Variants in FKBP5 observed in about 807,000 individuals in gnomAD.
FKBP5 encodes peptidyl-prolyl cis-trans isomerase FKBP5.
A neutral mutation model predicts 50.5 loss-of-function variants in FKBP5; 23 were observed. The ratio of observed to expected loss-of-function variants is 0.46; its 90% CI spans 0.33 to 0.65. The LOEUF is 0.65. Among genes scored for constraint, FKBP5 ranks in the 30% least tolerant of loss-of-function variants. The pLI is 0.02. For synonymous variants in FKBP5, 176 were observed against 190.6 expected, an observed-to-expected ratio of 0.92 and a Z score of 0.63; for missense variants, 411 against 553.1, an observed-to-expected ratio of 0.74 and a Z score of 2.58.
chr6:35,706,580 A>G (rs1040531016), intron 2 of FKBP5, among the ~76,000 whole-genome samples: 3 of 152,234 alleles, frequency 2.0e-5, no homozygotes, highest in African/African-American at 7.2e-5. Context: ...CAGTATAGGT[A>G]AGAATGTGGG....
At chr6:35,677,072 T>G (rs934357824) in intron 1 of FKBP5, among the ~76,000 whole-genome samples, 1 of 152,102 alleles carries the variant, frequency 6.6e-6, no homozygotes, top group Non-Finnish European at 1.5e-5. Context: ...TTGTTTTGTT[T>G]TGTTGTGTTG....
At chr6:35,619,296 A>G in intron 4 of FKBP5, 86 bp from the exon 5 acceptor site, 1 of 775,984 alleles carries the variant, frequency 1.3e-6, no homozygotes, top group South Asian at 1.6e-5. Flanking sequence ...CAATTATTTC[A>G]TTTTACAAAA....
intron 7 of FKBP5, among the ~76,000 whole-genome samples, chr6:35,589,633 G>A (rs746311543): frequency 3.3e-4 from 51 of 152,316 alleles, no homozygotes; most frequent in Admixed American, 7.2e-4. Flanking sequence ...GAAGGAAGGG[G>A]CAAGAGGCTG....
At chr6:35,722,972 G>A (rs1041151309) in intron 1 of FKBP5, among the ~76,000 whole-genome samples, 11 of 152,208 alleles carry the variant, frequency 7.2e-5, no homozygotes, top group Admixed American at 2.6e-4. Context: ...GATGGCTCAC[G>A]CCTGTAATCC....
At chr6:35,646,338 G>T (rs1764629523) in intron 1 of FKBP5, among the ~76,000 whole-genome samples, 1 of 152,158 alleles carries the variant, frequency 6.6e-6, no homozygotes, top group Non-Finnish European at 1.5e-5. Flanking sequence ...GCTCTTGTCA[G>T]TAGTACTGAG....
chr6:35,710,617 A>G (rs963758775), intron 2 of FKBP5, among the ~76,000 whole-genome samples: 2 of 152,262 alleles, frequency 1.3e-5, no homozygotes, highest in Non-Finnish European at 2.9e-5. Flanking sequence ...AAGCATACAC[A>G]CATTTGCCAT....
intron 1 of FKBP5, among the ~76,000 whole-genome samples, chr6:35,643,092 G>A (rs1162210070): frequency 2.6e-5 from 4 of 152,178 alleles, no homozygotes; most frequent in Non-Finnish European, 4.4e-5. Context: ...TACAAGTCAA[G>A]TTGGGTAGTG....
intron 5 of FKBP5, among the ~76,000 whole-genome samples, chr6:35,602,885 T>G (rs1046638014): frequency 3.3e-5 from 5 of 152,180 alleles, no homozygotes; most frequent in African/African-American, 1.2e-4. Flanking sequence ...ACAGGAAATC[T>G]AAACAAGAAG....
intron 2 of FKBP5, among the ~76,000 whole-genome samples, chr6:35,716,281 G>T (rs568736481): frequency 6.6e-6 from 1 of 152,270 alleles, no homozygotes; most frequent in South Asian, 2.1e-4. Context: ...GCCAAGGTGG[G>T]AGAATCACTT....
intron 1 of FKBP5, among the ~76,000 whole-genome samples, chr6:35,727,724 A>G (rs907067068): frequency 6.6e-6 from 1 of 152,144 alleles, no homozygotes; most frequent in African/African-American, 2.4e-5. Context: ...AGCTCCAGCT[A>G]TCCTCCTCCC....
chr6:35,661,770 CAAAA>C lies in FKBP5; in HGVS notation c.-19-18931_-19-18928del, dbSNP rs767195179. On this transcript the variant is annotated intron_variant, in intron 1 of 10. Coordinates refer to ENST00000357266, the MANE Select transcript of FKBP5 (RefSeq NM_004117.4). Reference sequence around the variant, plus strand: ...GGGTGACAAGAGCAAAACTCCGTCTCAAAAAAAAAAAAAAAAAGAGTATGGCTTC... The same window carrying C: ...GGGTGACAAGAGCAAAACTCCGTCTCAAAAAAAAAAAAAGAGTATGGCTTC... 6.0e-5 allele frequency among the ~76,000 whole-genome samples: 2 copies of C among 33,286 alleles called. 1 individual carries two copies. The highest frequency in any genetic ancestry group is 1.3e-4 in the Non-Finnish European group (2 of 15,112). 21.8% of individuals were successfully genotyped at this position (33,286 alleles called of 152,430 possible). A position where few individuals can be genotyped will look rare whatever the true frequency, so the allele number is the denominator to read the frequency against.
At chr6:35,581,779 G>C in intron 8 of FKBP5, 1 of 985,486 alleles carries the variant, frequency 1.0e-6, no homozygotes, top group South Asian at 4.7e-5. Flanking sequence ...CATCCTGCCA[G>C]ATGGCAGAGG....
chr6:35,592,617 G>C lies in FKBP5; in HGVS notation c.666-1397C>G, dbSNP rs571910955. 1.7e-4 allele frequency among the ~76,000 whole-genome samples: 26 copies of C among 152,284 alleles called. No individual in the cohort carries two copies. In the East Asian group the frequency reaches 5.0e-3, roughly 29 times the overall value. On this transcript the variant is annotated intron_variant, in intron 6 of 10. Transcript: ENST00000357266. The stretch of plus-strand genomic sequence containing the variant: ...AGGTAGGTAGGTGAGTCCTTGCTAA[G>C]CACATATTTTCTGAGAGCATGTTAT...
chr6:35,709,631 A>G (rs1252684872), intron 2 of FKBP5, among the ~76,000 whole-genome samples: 1 of 152,248 alleles, frequency 6.6e-6, no homozygotes, highest in East Asian at 1.9e-4. Flanking sequence ...TGATGAAACT[A>G]TGGTTGTTTT....
intron 9 of FKBP5, among the ~76,000 whole-genome samples, chr6:35,578,698 G>T (rs368696274): frequency 6.6e-6 from 1 of 151,304 alleles, no homozygotes; most frequent in Admixed American, 6.6e-5. Flanking sequence ...AACTCGGGAG[G>T]TGGAGGTTAG....
intron 1 of FKBP5, among the ~76,000 whole-genome samples, chr6:35,643,431 C>T (rs987515462): frequency 1.2e-4 from 19 of 152,178 alleles, no homozygotes; most frequent in Admixed American, 9.2e-4. Flanking sequence ...GTAACTTAAA[C>T]ATATTTAACC....
chr6:35,581,270 A>T, intron 8 of FKBP5: 1 of 437,170 alleles, frequency 2.3e-6, no homozygotes, highest in Non-Finnish European at 3.0e-6. Flanking sequence ...ATATAAACAT[A>T]TATAATATAT....
chr6:35,602,197 T>G (rs995768424), intron 5 of FKBP5, among the ~76,000 whole-genome samples: 1 of 151,928 alleles, frequency 6.6e-6, no homozygotes, highest in Admixed American at 6.6e-5. Flanking sequence ...GTAACAAAAA[T>G]GAAATGCAAG....
chr6:35,687,345 G>C (rs1765856648), intron 1 of FKBP5, among the ~76,000 whole-genome samples: 1 of 152,156 alleles, frequency 6.6e-6, no homozygotes, highest in Non-Finnish European at 1.5e-5. Flanking sequence ...AGCTGGGGGA[G>C]AGACAAACAG....
Sources: allele counts gnomAD v4.1 joint callset (sites outside exome capture counted in the v4.1 genomes callset), GRCh38; gene constraint gnomAD v4.1.1; transcripts MANE v1.5; gene names NCBI Gene and HGNC (gene_info 2026-07-23, HGNC 2026-07-21).